The following DNAAF10 variants were observed in gnomAD, a reference collection of about 807,000 sequenced individuals.
The protein encoded by DNAAF10 is dynein axonemal assembly factor 10.
Under a neutral mutation model 43.7 loss-of-function variants are expected in DNAAF10, and 28 were observed. The observed-to-expected ratio is 0.64, with a 90% CI of 0.48 to 0.88. The LOEUF (loss-of-function observed/expected upper bound fraction) is 0.88. DNAAF10 is among the 40% of genes least tolerant of loss of function. The probability of loss-of-function intolerance (pLI) is 0.00; values close to 1 mark genes in which losing one functional copy is unlikely to be tolerated. For synonymous variants in DNAAF10, 156 were observed against 157.3 expected (o/e 0.99, Z 0.06); for missense variants, 403 against 439.1 (o/e 0.92, Z 0.73).
intron 4 of DNAAF10, among the ~76,000 whole-genome samples, chr2:68,141,350 C>G (rs1345522482): frequency 6.6e-6 from 1 of 152,178 alleles, no homozygotes; most frequent in Admixed American, 6.5e-5. Context: ...AACAGGAACA[C>G]ATAATAATAA....
At chr2:68,137,570 C>T in intron 5 of DNAAF10, 137 bp from the exon 6 acceptor site, 2 of 1,002,104 alleles carry the variant, frequency 2.0e-6, no homozygotes, top group Admixed American at 3.4e-5. Context: ...TAACTTTTCC[C>T]ATAAAAATTT....
intron 1 of DNAAF10, among the ~76,000 whole-genome samples, chr2:68,153,520 ACT>A (rs1307638671): frequency 6.6e-6 from 1 of 151,738 alleles, no homozygotes; most frequent in Non-Finnish European, 1.5e-5. Flanking sequence ...GTTTAAAAAT[ACT>A]CTGATTTCTA....
At chr2:68,155,128 C>T (rs1271936453) in intron 1 of DNAAF10, among the ~76,000 whole-genome samples, 3 of 150,272 alleles carry the variant, frequency 2.0e-5, no homozygotes, top group Non-Finnish European at 4.4e-5. Context: ...TGCACTCCAT[C>T]GTAGGCAAGA....
intron 6 of DNAAF10, 89 bp downstream of exon 6, chr2:68,137,210 C>G (rs368688171): frequency 2.1e-6 from 3 of 1,421,530 alleles, no homozygotes. Flanking sequence ...ACATAAAGAC[C>G]TGGAAGAAAC....
Position 68,134,714 on chromosome 2 carries a change from T to C in DNAAF10, c.854A>G (p.His285Arg). The C allele has an allele frequency of 6.2e-7, 1 of 1,610,020 alleles. No homozygotes were observed. Among genetic ancestry groups the C allele is most frequent in the East Asian group, 2.2e-5 (1 of 44,696 alleles). ...CTGGCAGACTTACTACTTCCAGAGG[T>C]GAAGGCCGCCGGCGCCTCCAGCTGT... ...FLTAGGAGGLHLWKYEYPIQR... is the reference protein window; with the variant it reads ...FLTAGGAGGLRLWKYEYPIQR... Residue 285 changes from histidine (H) to arginine (R), a missense_variant, in exon 7 of 8, where the codon CAC becomes CGC. His to Arg is a conservative substitution (Grantham distance 29). Coordinates refer to ENST00000295121, the MANE Select transcript of DNAAF10 (RefSeq NM_138458.4).
chr2:68,145,729 G>T (rs1673300033), intron 2 of DNAAF10, among the ~76,000 whole-genome samples: 1 of 152,214 alleles, frequency 6.6e-6, no homozygotes, highest in East Asian at 1.9e-4. Context: ...GGAAAGTACT[G>T]ATTACCACAA....
intron 3 of DNAAF10, among the ~76,000 whole-genome samples, chr2:68,144,054 G>C (rs1286111211): frequency 2.0e-5 from 3 of 152,114 alleles, no homozygotes; most frequent in African/African-American, 7.2e-5. Context: ...CTCTATTAAA[G>C]TCATGCAGTA....
chr2:68,137,509 G>A (rs1673072958), intron 5 of DNAAF10, 76 bp from the exon 6 acceptor site: 6 of 1,266,822 alleles, frequency 4.7e-6, no homozygotes, highest in Admixed American at 2.7e-5. Flanking sequence ...AAGTAAAACA[G>A]CTTTAAAATG....
chr2:68,133,348 T>C (rs1169821852), intron 7 of DNAAF10, among the ~76,000 whole-genome samples: 1 of 151,954 alleles, frequency 6.6e-6, no homozygotes, highest in Non-Finnish European at 1.5e-5. Flanking sequence ...ATTCAGGCAA[T>C]TCTCGTGCCT....
At chr2:68,145,428 G>A (rs944372407) in intron 2 of DNAAF10, among the ~76,000 whole-genome samples, 4 of 151,976 alleles carry the variant, frequency 2.6e-5, no homozygotes, top group Non-Finnish European at 4.4e-5. Context: ...TTGTTAAAAC[G>A]CAGCTAGTAT....
chr2:68,157,011 C>T (rs1251575371), intron 1 of DNAAF10: 1 of 573,816 alleles, frequency 1.7e-6, no homozygotes, highest in Admixed American at 3.3e-5. Flanking sequence ...CTGCAGGCAT[C>T]CTGGTGCCCG....
intron 3 of DNAAF10, among the ~76,000 whole-genome samples, chr2:68,143,742 C>T (rs1673247608): frequency 6.6e-6 from 1 of 152,138 alleles, no homozygotes; most frequent in Non-Finnish European, 1.5e-5. Context: ...TTCATATTCA[C>T]ACTTATAACT....
chr2:68,137,001 C>T (rs1487910052), intron 6 of DNAAF10, among the ~76,000 whole-genome samples: 12 of 152,096 alleles, frequency 7.9e-5, no homozygotes, highest in Non-Finnish European at 2.9e-5. Flanking sequence ...TATTAGGAAA[C>T]ACCAGGCTGG....
chr2:68,150,142 CTT>C (rs1323877634), intron 1 of DNAAF10, among the ~76,000 whole-genome samples: 5 of 152,156 alleles, frequency 3.3e-5, no homozygotes, highest in African/African-American at 9.7e-5. Flanking sequence ...AACCTACACT[CTT>C]TGGTTCCCTA....
chr2:68,134,616 G>GA lies in DNAAF10; in HGVS notation c.866+85dup, dbSNP rs572327500. On this transcript the variant is annotated intron_variant, in intron 7 of 7. Transcript: ENST00000295121. Reference sequence around the variant, plus strand: ...ATCAAAATGAACTAAGTCAAAGCAGGAAAAAAAAGAAAAAAAAGTTCAATC... The same window carrying GA: ...ATCAAAATGAACTAAGTCAAAGCAGGAAAAAAAAAGAAAAAAAAGTTCAATC... 2.1e-5 allele frequency: 33 copies of GA among 1,563,706 alleles called. No individual in the cohort carries two copies. The South Asian group carries it at 2.8e-4, about 13-fold the overall frequency.
Position 68,130,109 on chromosome 2 carries a change from G to GATATATATATATATATAT in DNAAF10, c.*1128_*1129insATATATATATATATATAT, listed in dbSNP as rs199700133. On this transcript the variant is annotated 3_prime_UTR_variant, in exon 8 of 8. Transcript: ENST00000295121. ...CTAGACCAACCGTGCCGTTTTGAGA[G>GATATATATATATATATAT]AGAGAGATATATATATATATATTTG... 5.4e-5 allele frequency: 7 copies of GATATATATATATATATAT among 129,208 alleles called. No homozygotes were observed. Among genetic ancestry groups the GATATATATATATATATAT allele is most frequent in the African/African-American group, 2.3e-4 (7 of 29,960 alleles). The allele number at this position is 129,208 out of a possible 1,614,324, so 8.0% of individuals were successfully genotyped here.
chr2:68,151,107 G>A (rs1291537218), intron 1 of DNAAF10, among the ~76,000 whole-genome samples: 1 of 152,240 alleles, frequency 6.6e-6, no homozygotes, highest in African/African-American at 2.4e-5. Context: ...ATAAAGGAAA[G>A]AAGTAAAATG....
Position 68,134,700 on chromosome 2 carries a change from A to C in DNAAF10, c.866+2T>G. 1 of 1,609,964 alleles carries C rather than the reference A, an allele frequency of 6.2e-7. No homozygotes were observed. Among genetic ancestry groups the C allele is most frequent in the Non-Finnish European group, 8.5e-7 (1 of 1,179,006 alleles). Reference sequence around the variant, plus strand: ...AGGAGCAGTGTGCACTGGCAGACTTACTACTTCCAGAGGTGAAGGCCGCCG... The same window carrying C: ...AGGAGCAGTGTGCACTGGCAGACTTCCTACTTCCAGAGGTGAAGGCCGCCG... On this transcript the variant is annotated splice_donor_variant, in intron 7 of 7. Coordinates refer to ENST00000295121, the MANE Select transcript of DNAAF10 (RefSeq NM_138458.4). LOFTEE classifies it high-confidence loss of function.
chr2:68,130,143 T>C lies in DNAAF10; in HGVS notation c.*1095A>G, dbSNP rs866207175. On this transcript the variant is annotated 3_prime_UTR_variant, in exon 8 of 8. Transcript: ENST00000295121. ...ATATATATATATATTTGTTTTTTTTTTTTTTGAGACGGAGTCTCACTCTGT... is the reference window on the plus strand; with the variant it reads ...ATATATATATATATTTGTTTTTTTTCTTTTTGAGACGGAGTCTCACTCTGT... The C allele has an allele frequency of 2.3e-4, 34 of 146,244 alleles. 1 individual carries two copies. Among genetic ancestry groups the C allele is most frequent in the Middle Eastern group, 3.6e-3 (1 of 280 alleles). The allele number at this position is 146,244 out of a possible 1,614,324, so 9.1% of individuals were successfully genotyped here.
Sources: gnomAD v4.1 joint callset for allele counts (sites outside exome capture counted in the v4.1 genomes callset) on GRCh38, gnomAD v4.1.1 for gene constraint, MANE v1.5 for transcripts, NCBI Gene and HGNC (gene_info 2026-07-23, HGNC 2026-07-21) for gene names.